PTPMT1: variants seen among roughly 807,000 people sequenced by gnomAD.
PTPMT1 encodes the protein protein tyrosine phosphatase mitochondrial 1.
Under a neutral mutation model 17.8 loss-of-function variants are expected in PTPMT1, and 12 were observed. That is an observed-to-expected ratio of 0.67 (90% CI 0.43 to 1.09). The LOEUF is 1.09. Ranked by LOEUF, PTPMT1 falls within the 50% of genes least tolerant of loss-of-function variation. The pLI, the probability that PTPMT1 is intolerant of heterozygous loss-of-function variation, is 0.00. For synonymous variants in PTPMT1, 132 were observed against 116.8 expected (o/e 1.13, Z -0.84); for missense variants, 262 against 266.0 (o/e 0.99, Z 0.10).
chr11:47,565,792 G>C lies in PTPMT1; in HGVS notation c.170G>C (p.Arg57Pro), dbSNP rs552501895. 6.3e-7 allele frequency: 1 copy of C among 1,588,756 alleles called. No individual in the cohort carries two copies. Among genetic ancestry groups the C allele is most frequent in the South Asian group, 1.1e-5 (1 of 87,984 alleles). The change falls in exon 1 of 4, where the codon CGC (arginine) becomes CCC (proline). Residue 57 changes from arginine (R) to proline (P), a missense_variant. Physicochemically the swap from Arg to Pro is moderately radical, Grantham distance 103 (BLOSUM62 -2). Transcript: ENST00000326674. ...LGALPLRSLT[R>P]QLVQDENVRG... Reference sequence around the variant, plus strand: ...GCGCTGCCGTTGCGGAGCTTGACGCGCCAGGTGAGCCGGGCCGGGGAGCCC... The same window carrying C: ...GCGCTGCCGTTGCGGAGCTTGACGCCCCAGGTGAGCCGGGCCGGGGAGCCC...
At position 47,565,628 on chromosome 11, in the gene PTPMT1, G is replaced by C. The variant is rs1598773515; in HGVS notation, c.6G>C (p.Ala2=). Residue 2 remains alanine (A), a synonymous_variant, in exon 1 of 4, where the codon GCG becomes GCC. Coordinates refer to ENST00000326674, the MANE Select transcript of PTPMT1 (RefSeq NM_175732.3). M[A]ATALLEAGLA... Reference sequence around the variant, plus strand: ...CGCCGCTGCGCCGGGCCGGGATGGCGGCCACCGCGCTGCTGGAGGCCGGCC... The same window carrying C: ...CGCCGCTGCGCCGGGCCGGGATGGCCGCCACCGCGCTGCTGGAGGCCGGCC... The C allele has an allele frequency of 1.5e-6, 2 of 1,309,352 alleles. No individual in the cohort carries two copies. The highest frequency in any genetic ancestry group is 1.9e-6 in the Non-Finnish European group (2 of 1,030,806). 81.1% of individuals were successfully genotyped at this position (1,309,352 alleles called of 1,614,324 possible).
At chr11:47,570,186 CAAAAA>C (rs548462674) in intron 3 of PTPMT1, among the ~76,000 whole-genome samples, 3 of 85,566 alleles carry the variant, frequency 3.5e-5, no homozygotes, top group Admixed American at 2.6e-4. Flanking sequence ...GAAACTGTCT[CAAAAA>C]AAAAAAAAAA....
Position 47,572,539 on chromosome 11 carries a change from A to G in PTPMT1, c.*910A>G, listed in dbSNP as rs988002487. ...TTTGTGGAAAAATGATCAACTAGCC[A>G]TTTCACAGGCTATAGAACAAAAGTA... On this transcript the variant is annotated 3_prime_UTR_variant, in exon 4 of 4. Coordinates refer to ENST00000326674, the MANE Select transcript of PTPMT1 (RefSeq NM_175732.3). The G allele has an allele frequency of 2.2e-5, 4 of 185,460 alleles. No homozygotes were observed. Among genetic ancestry groups the G allele is most frequent in the African/African-American group, 9.4e-5 (4 of 42,394 alleles). The allele number at this position is 185,460 out of a possible 1,614,324, so 11.5% of individuals were successfully genotyped here.
Position 47,573,113 on chromosome 11 carries a change from C to T in PTPMT1, c.*1484C>T, listed in dbSNP as rs1192498257. The T allele has an allele frequency of 6.2e-7, 1 of 1,614,068 alleles. No individual in the cohort carries two copies. Among genetic ancestry groups the T allele is most frequent in the Non-Finnish European group, 8.5e-7 (1 of 1,180,046 alleles). ...AGAGGGATGGGGCAGAGCTCCAGGC[C>T]TCAGGAAGGCAAAGCCGGGTGAAGC... On this transcript the variant is annotated 3_prime_UTR_variant, in exon 4 of 4. Coordinates refer to ENST00000326674, the MANE Select transcript of PTPMT1 (RefSeq NM_175732.3). This position sits in a 1 kb window ranked among gnomAD's most constrained non-coding sequence, Gnocchi z 4.1.
rs995624120 is a variant in PTPMT1 at position 47,572,760 on chromosome 11, C to T, written c.*1131C>T. 2 of 669,910 alleles carry T rather than the reference C, an allele frequency of 3.0e-6. No homozygotes were observed. Among genetic ancestry groups the T allele is most frequent in the Non-Finnish European group, 2.5e-6 (1 of 401,036 alleles). 41.5% of individuals were successfully genotyped at this position (669,910 alleles called of 1,614,324 possible). ...GTTCAAGCAACCAGCTGAGCAGCAGCAGTCTAAAAAGCCCCAAACAGAACA... is the reference window on the plus strand; with the variant it reads ...GTTCAAGCAACCAGCTGAGCAGCAGTAGTCTAAAAAGCCCCAAACAGAACA... On this transcript the variant is annotated 3_prime_UTR_variant, in exon 4 of 4. Transcript: ENST00000326674.
rs373652946 is a variant in PTPMT1 at position 47,565,909 on chromosome 11, G to C, written c.178G>C (p.Val60Leu). The C allele has an allele frequency of 1.2e-6, 2 of 1,612,436 alleles. No homozygotes were observed. The highest frequency in any genetic ancestry group is 1.1e-5 in the South Asian group (1 of 90,960). The change falls in exon 2 of 4, where the codon GTA becomes CTA. Residue 60 changes from valine (V) to leucine (L), a missense_variant. By Grantham distance (32) the Val-to-Leu change is conservative. Coordinates refer to ENST00000326674, the MANE Select transcript of PTPMT1 (RefSeq NM_175732.3). The stretch of plus-strand genomic sequence containing the variant: ...AGCCACCTCTTTGCCTCGGCAGCTG[G>C]TACAGGACGAGAACGTGCGCGGGGT... Reference protein sequence around the residue: ...LPLRSLTRQLVQDENVRGVIT... With the variant: ...LPLRSLTRQLLQDENVRGVIT...
At position 47,572,997 on chromosome 11, in the gene PTPMT1, G is replaced by T; in HGVS notation, c.*1368G>T. On this transcript the variant is annotated 3_prime_UTR_variant, in exon 4 of 4. Coordinates refer to ENST00000326674, the MANE Select transcript of PTPMT1 (RefSeq NM_175732.3). ...ACCTCTTGTGACAGTTACGGCTGAA[G>T]TGGCAGGGTCAAGCTTGTAGGTGTT... is the stretch of plus-strand genomic sequence containing the variant. 1 of 1,614,216 alleles carries T rather than the reference G, an allele frequency of 6.2e-7. No homozygotes were observed. The highest frequency in any genetic ancestry group is 8.5e-7 in the Non-Finnish European group (1 of 1,180,044).
Position 47,573,162 on chromosome 11 carries a change from A to G in PTPMT1, c.*1533A>G. On this transcript the variant is annotated 3_prime_UTR_variant, in exon 4 of 4. Coordinates refer to ENST00000326674, the MANE Select transcript of PTPMT1 (RefSeq NM_175732.3). This position sits in a 1 kb window ranked among gnomAD's most constrained non-coding sequence, Gnocchi z 4.1. ...GCTGTCTAGCAAGGGATTGTAGCACACCAGGGAGTCCCCTTCAGCCACGAT... is the reference window on the plus strand; with the variant it reads ...GCTGTCTAGCAAGGGATTGTAGCACGCCAGGGAGTCCCCTTCAGCCACGAT... 6.2e-7 allele frequency: 1 copy of G among 1,614,178 alleles called. No homozygotes were observed. The highest frequency in any genetic ancestry group is 8.5e-7 in the Non-Finnish European group (1 of 1,180,040).
rs1453102045 is a variant in PTPMT1 at position 47,572,952 on chromosome 11, T to C, written c.*1323T>C. The stretch of plus-strand genomic sequence containing the variant: ...GCCTTAGGCCAACACAAACTGCAAA[T>C]TGGTAAGCAGCACCTTAATACCTCT... On this transcript the variant is annotated 3_prime_UTR_variant, in exon 4 of 4. Coordinates refer to ENST00000326674, the MANE Select transcript of PTPMT1 (RefSeq NM_175732.3). 5.6e-6 allele frequency: 9 copies of C among 1,613,752 alleles called. No individual in the cohort carries two copies. Among genetic ancestry groups the C allele is most frequent in the Admixed American group, 1.7e-5 (1 of 59,986 alleles).
intron 2 of PTPMT1, 131 bp from the exon 3 acceptor site, chr11:47,569,569 C>CCT (rs2097248342): frequency 1.7e-6 from 1 of 593,040 alleles, no homozygotes; most frequent in Admixed American, 3.6e-5. Context: ...AGAAAACAGG[C>CCT]AACAGTGTAT....
chr11:47,573,139 T>G lies in PTPMT1; in HGVS notation c.*1510T>G. The G allele has an allele frequency of 1.2e-6, 2 of 1,614,200 alleles. No individual in the cohort carries two copies. The highest frequency in any genetic ancestry group is 1.7e-6 in the Non-Finnish European group (2 of 1,180,026). The stretch of plus-strand genomic sequence containing the variant: ...TCAGGAAGGCAAAGCCGGGTGAAGC[T>G]GTCTAGCAAGGGATTGTAGCACACC... On this transcript the variant is annotated 3_prime_UTR_variant, in exon 4 of 4. Transcript: ENST00000326674. The surrounding 1 kb of genome is among the most constrained non-coding windows in gnomAD (Gnocchi z 4.1).
In PTPMT1 at chr11:47,571,565, A is replaced by T. The variant is rs770986614; in HGVS notation, c.542A>T (p.Glu181Val). The change falls in exon 4 of 4, where the codon GAG (glutamate) becomes GTG (valine). Residue 181 changes from glutamate (E) to valine (V), a missense_variant. Coordinates refer to ENST00000326674, the MANE Select transcript of PTPMT1 (RefSeq NM_175732.3). ...CCTGGCCAGCTGGATGTTCTTAAAG[A>T]GTTCCACAAGCAGATTACTGCACGG... Reference protein sequence around the residue: ...IRPGQLDVLKEFHKQITARAT... With the variant: ...IRPGQLDVLKVFHKQITARAT... 7 of 1,613,862 alleles carry T rather than the reference A, an allele frequency of 4.3e-6. No individual in the cohort carries two copies. The Admixed American group carries it at 6.7e-5, about 15-fold the overall frequency.
At chr11:47,565,837 G>C (rs1208420203) in intron 1 of PTPMT1, 41 bp downstream of exon 1, 1 of 1,599,544 alleles carries the variant, frequency 6.3e-7, no homozygotes, top group African/African-American at 1.3e-5. Context: ...CCCCGTCCCC[G>C]CCGCTCCGTC....
chr11:47,568,939 C>T (rs1385938108), intron 2 of PTPMT1, among the ~76,000 whole-genome samples: 1 of 151,612 alleles, frequency 6.6e-6, no homozygotes, highest in Non-Finnish European at 1.5e-5. Flanking sequence ...GATCTGCCCG[C>T]CTTGGCCTTG....
chr11:47,566,342 G>C (rs2097244289), intron 2 of PTPMT1, among the ~76,000 whole-genome samples: 1 of 152,104 alleles, frequency 6.6e-6, no homozygotes, highest in African/African-American at 2.4e-5. Flanking sequence ...AAGTAGCCGG[G>C]AGTGGTGGCG....
intron 3 of PTPMT1, 49 bp from the exon 4 acceptor site, chr11:47,571,422 G>A (rs886344650): frequency 2.5e-6 from 4 of 1,590,612 alleles, no homozygotes; most frequent in Non-Finnish European, 3.4e-6. Context: ...AGGGCACCTT[G>A]ACACCTGCTT....
At position 47,569,741 on chromosome 11, in the gene PTPMT1, A is replaced by T. The variant is rs745412099; in HGVS notation, c.297A>T (p.Thr99=). The change falls in exon 3 of 4, where the codon ACA becomes ACT. Residue 99 remains threonine, a synonymous_variant. Transcript: ENST00000326674. ...GAGTCGAGCAGCTGCGGCTCAGCAC[A>T]GTAGACATGACTGGGATCCCCACCT... ...RLGVEQLRLS[T]VDMTGIPTLD... 7.4e-6 allele frequency: 12 copies of T among 1,614,044 alleles called. No individual in the cohort carries two copies. The highest frequency in any genetic ancestry group is 3.3e-5 in the Admixed American group (2 of 59,976).
intron 2 of PTPMT1, among the ~76,000 whole-genome samples, chr11:47,566,968 T>A (rs1259546181): frequency 6.6e-6 from 1 of 152,224 alleles, no homozygotes; most frequent in Admixed American, 6.5e-5. Context: ...CTATTTGATT[T>A]TTTTTTAATG....
At chr11:47,570,455 T>C (rs992998966) in intron 3 of PTPMT1, among the ~76,000 whole-genome samples, 10 of 152,172 alleles carry the variant, frequency 6.6e-5, no homozygotes, top group African/African-American at 2.4e-4. Flanking sequence ...GAAGTTTAAA[T>C]AAGAAATTAC....
Sources: allele counts gnomAD v4.1 joint callset (sites outside exome capture counted in the v4.1 genomes callset), GRCh38; gene constraint gnomAD v4.1.1; non-coding constraint Gnocchi (gnomAD v3.1); transcripts MANE v1.5; gene names NCBI Gene and HGNC (gene_info 2026-07-23, HGNC 2026-07-21).